Variants in GTF2IRD2B observed in about 807,000 individuals in gnomAD.
GTF2IRD2B encodes the protein general transcription factor II-I repeat domain-containing protein 2B.
Under a neutral mutation model 55.6 loss-of-function variants are expected in GTF2IRD2B, and 10 were observed. The ratio of observed to expected loss-of-function variants is 0.18; its 90% CI spans 0.11 to 0.31. The LOEUF is 0.31. Among genes scored for constraint, GTF2IRD2B ranks in the 10% least tolerant of loss-of-function variants. GTF2IRD2B has a pLI of 1.00. For synonymous variants in GTF2IRD2B, 107 were observed against 320.5 expected (o/e 0.33, Z 7.12); for missense variants, 206 against 802.7 (o/e 0.26, Z 8.98).
chr7:75,104,361 C>T (rs1554421502), intron 1 of GTF2IRD2B, among the ~76,000 whole-genome samples: 77 of 152,304 alleles, frequency 5.1e-4, no homozygotes, highest in African/African-American at 1.2e-3. Context: ...TCAAGTGATC[C>T]GCTCGCCTCA....
chr7:75,133,269 T>A (rs1251907132), intron 9 of GTF2IRD2B, 57 bp downstream of exon 9: 1 of 252,238 alleles, frequency 4.0e-6, no homozygotes, highest in East Asian at 8.9e-5. Flanking sequence ...TGGAAGATTT[T>A]AATTACTACC....
At chr7:75,115,590 ATTTT>A (rs1163954497) in intron 3 of GTF2IRD2B, among the ~76,000 whole-genome samples, 15 of 81,558 alleles carry the variant, frequency 1.8e-4, no homozygotes, top group Admixed American at 2.8e-4. Flanking sequence ...TGCCCAGCTA[ATTTT>A]TTTTTTTTTT....
At chr7:75,102,560 GA>G (rs1387851903) in intron 1 of GTF2IRD2B, among the ~76,000 whole-genome samples, 3 of 151,494 alleles carry the variant, frequency 2.0e-5, no homozygotes, top group Non-Finnish European at 2.9e-5. Context: ...CAGTGTGGAT[GA>G]GGGGGAAGGA....
chr7:75,117,756 T>C (rs1808214053), intron 3 of GTF2IRD2B, among the ~76,000 whole-genome samples: 1 of 152,294 alleles, frequency 6.6e-6, no homozygotes, highest in Admixed American at 6.5e-5. Flanking sequence ...CATTTTTACA[T>C]TGGCCTTTTT....
intron 1 of GTF2IRD2B, among the ~76,000 whole-genome samples, chr7:75,101,945 G>A (rs1390638886): frequency 6.7e-6 from 1 of 149,682 alleles, no homozygotes; most frequent in Non-Finnish European, 1.5e-5. Context: ...GTACTGTTCA[G>A]TGGTTTCTTG....
At chr7:75,101,478 T>C (rs1377041447) in intron 1 of GTF2IRD2B, among the ~76,000 whole-genome samples, 1 of 151,296 alleles carries the variant, frequency 6.6e-6, no homozygotes, top group Non-Finnish European at 1.5e-5. Flanking sequence ...GGCAGGAGCA[T>C]TGCTTGAGCC....
chr7:75,136,033 C>G (rs1169360522), intron 10 of GTF2IRD2B, among the ~76,000 whole-genome samples: 1 of 63,726 alleles, frequency 1.6e-5, no homozygotes, highest in Non-Finnish European at 2.7e-5. Context: ...CCCAGCTACT[C>G]GGGAGGCTGA....
chr7:75,143,513 C>CA lies in GTF2IRD2B; in HGVS notation c.1218-429dup, dbSNP rs1341037390. Among the ~76,000 whole-genome samples the CA allele has an allele frequency of 1.5e-4, 11 of 74,308 alleles. No individual in the cohort carries two copies. In the South Asian group the frequency reaches 2.4e-3, roughly 16 times the overall value. 48.7% of individuals were successfully genotyped at this position (74,308 alleles called of 152,430 possible). ...TGGGTGATGGAGTGAGACTCCGTCT[C>CA]AAAAAAAACAAAAACAAAAGGCTCA... On this transcript the variant is annotated intron_variant, in intron 14 of 15. Transcript: ENST00000472837.
At chr7:75,129,094 C>T (rs1356740896) in intron 8 of GTF2IRD2B, among the ~76,000 whole-genome samples, 3 of 148,462 alleles carry the variant, frequency 2.0e-5, no homozygotes, top group Admixed American at 6.9e-5. Context: ...AGGATCTTTT[C>T]GCCACAACTG....
chr7:75,126,996 CA>C (rs1177255422), intron 8 of GTF2IRD2B, among the ~76,000 whole-genome samples: 4 of 76,250 alleles, frequency 5.2e-5, no homozygotes, highest in Non-Finnish European at 8.5e-5. Context: ...GATTCTGTGT[CA>C]AAAAAAAACA....
rs782188964 is a variant in GTF2IRD2B at position 75,112,457 on chromosome 7, G to A, written c.160G>A (p.Val54Met). The A allele has an allele frequency of 2.5e-5, 16 of 635,884 alleles. No homozygotes were observed. Among genetic ancestry groups the A allele is most frequent in the South Asian group, 2.2e-4 (13 of 58,936 alleles). The allele number at this position is 635,884 out of a possible 1,614,324, so 39.4% of individuals were successfully genotyped here. ...CTGCATCGCAGTGTACGAAACAGAC[G>A]TGTTTGTCGTCGGAACCGAGAGAGG... Reference protein sequence around the residue: ...VACIAVYETDVFVVGTERGCA... With the variant: ...VACIAVYETDMFVVGTERGCA... Residue 54 changes from valine (V) to methionine (M), a missense_variant, in exon 3 of 16, where the codon GTG (valine) becomes ATG (methionine). Coordinates refer to ENST00000472837, the MANE Select transcript of GTF2IRD2B (RefSeq NM_001003795.3).
At chr7:75,141,700 CA>C (rs1182120810) in intron 13 of GTF2IRD2B, among the ~76,000 whole-genome samples, 399 of 9,246 alleles carry the variant, frequency 0.043, 2 homozygotes, top group Middle Eastern at 0.12. Flanking sequence ...GACCCTGTCT[CA>C]AAAAAAAAAA....
At chr7:75,127,210 G>A (rs1277186061) in intron 8 of GTF2IRD2B, among the ~76,000 whole-genome samples, 19 of 151,276 alleles carry the variant, frequency 1.3e-4, no homozygotes, top group African/African-American at 4.3e-4. Context: ...AGGGTGTGGG[G>A]GCTCACGACT....
At chr7:75,139,590 C>T (rs1808956147) in intron 12 of GTF2IRD2B, among the ~76,000 whole-genome samples, 1 of 122,380 alleles carries the variant, frequency 8.2e-6, no homozygotes, top group Admixed American at 7.8e-5. Context: ...GCGGAGATCA[C>T]ACCACTGCAC....
rs1296152054 is a variant in GTF2IRD2B, at chr7:75,103,039, AG to A, written c.-5-5919del. Among the ~76,000 whole-genome samples, 76 of 151,422 alleles carry A rather than the reference AG, an allele frequency of 5.0e-4. 1 individual carries two copies. Among genetic ancestry groups the A allele is most frequent in the South Asian group, 1.0e-3 (5 of 4,808 alleles). On this transcript the variant is annotated intron_variant, in intron 1 of 15. Transcript: ENST00000472837. ...ACGCCTGTAGTCCCAGCACTCTGGG[AG>A]GCTGAGGCGTGTGGATCAACTGAGG...
At chr7:75,103,590 C>T (rs587683498) in intron 1 of GTF2IRD2B, among the ~76,000 whole-genome samples, 21 of 151,626 alleles carry the variant, frequency 1.4e-4, no homozygotes, top group East Asian at 1.2e-3. Flanking sequence ...GAAGGAACCT[C>T]GGGACAAGCA....
chr7:75,147,225 G>C (rs1554454395), intron 15 of GTF2IRD2B, among the ~76,000 whole-genome samples: 2 of 151,918 alleles, frequency 1.3e-5, no homozygotes, highest in Non-Finnish European at 2.9e-5. Flanking sequence ...CTGAGGTCAG[G>C]AGTTCGAGAC....
chr7:75,147,219 G>A (rs587657607), intron 15 of GTF2IRD2B, among the ~76,000 whole-genome samples: 29 of 151,894 alleles, frequency 1.9e-4, no homozygotes, highest in Non-Finnish European at 3.2e-4. Context: ...GATCACCTGA[G>A]GTCAGGAGTT....
At position 75,092,761 on chromosome 7, in the gene GTF2IRD2B, C is replaced by G. The variant is rs1554448615; in HGVS notation, c.-10C>G. 1 of 153,452 alleles carries G rather than the reference C, an allele frequency of 6.5e-6. No homozygotes were observed. The highest frequency in any genetic ancestry group is 1.5e-5 in the Non-Finnish European group (1 of 68,384). The allele number at this position is 153,452 out of a possible 1,614,324, so 9.5% of individuals were successfully genotyped here. On this transcript the variant is annotated 5_prime_UTR_variant, in exon 1 of 16. Transcript: ENST00000472837. ...GGCCGGCCCGGCGCGGCCCAGCGCCCTCAGGTGCGTACCCCGCCCCCGCCG... is the reference window on the plus strand; with the variant it reads ...GGCCGGCCCGGCGCGGCCCAGCGCCGTCAGGTGCGTACCCCGCCCCCGCCG...
Sources: allele counts gnomAD v4.1 joint callset (sites outside exome capture counted in the v4.1 genomes callset), GRCh38; gene constraint gnomAD v4.1.1; transcripts MANE v1.5; gene names NCBI Gene and HGNC (gene_info 2026-07-23, HGNC 2026-07-21).